Variants in PXDNL observed in about 807,000 individuals in gnomAD.
PXDNL encodes the protein probable oxidoreductase PXDNL.
Under a neutral mutation model 150.8 loss-of-function variants are expected in PXDNL, and 145 were observed. The ratio of observed to expected loss-of-function variants is 0.96; its 90% confidence interval spans 0.84 to 1.10. The LOEUF (loss-of-function observed/expected upper bound fraction) is 1.10. Ranked by LOEUF, PXDNL falls within the 50% of genes least tolerant of loss-of-function variation. The pLI is 0.00. For synonymous variants in PXDNL, 757 were observed against 725.7 expected (o/e 1.04, Z -0.69); for missense variants, 2,087 against 1,873.9 (o/e 1.11, Z -2.10).
intron 2 of PXDNL, among the ~76,000 whole-genome samples, chr8:51,612,135 G>GAGGTAGAGGA (rs1392655564): frequency 6.6e-6 from 1 of 152,118 alleles, no homozygotes; most frequent in South Asian, 2.1e-4. Context: ...GAATTGGAGG[G>GAGGTAGAGGA]AGGTAGAGGA....
intron 1 of PXDNL, among the ~76,000 whole-genome samples, chr8:51,725,881 T>C (rs1305946029): frequency 6.6e-6 from 1 of 152,216 alleles, no homozygotes; most frequent in East Asian, 1.9e-4. Context: ...GGGCCCTAAT[T>C]TTTCAAAAAC....
chr8:51,740,015 A>G (rs187308632), intron 1 of PXDNL, among the ~76,000 whole-genome samples: 1 of 152,340 alleles, frequency 6.6e-6, no homozygotes, highest in Admixed American at 6.5e-5. Flanking sequence ...TGTATTCTTA[A>G]AATTACAAAA....
At chr8:51,515,761 T>C (rs1334078134) in intron 4 of PXDNL, among the ~76,000 whole-genome samples, 1 of 152,206 alleles carries the variant, frequency 6.6e-6, no homozygotes, top group African/African-American at 2.4e-5. Flanking sequence ...TTTGGAAGTT[T>C]CATGGGTGTG....
At chr8:51,386,265 G>C (rs905936914) in intron 17 of PXDNL, among the ~76,000 whole-genome samples, 2 of 151,942 alleles carry the variant, frequency 1.3e-5, no homozygotes, top group African/African-American at 2.4e-5. Flanking sequence ...GCTAATTTTT[G>C]TATTTTTAGT....
At chr8:51,382,920 T>C (rs950676661) in intron 17 of PXDNL, among the ~76,000 whole-genome samples, 6 of 152,158 alleles carry the variant, frequency 3.9e-5, no homozygotes, top group Non-Finnish European at 7.4e-5. Flanking sequence ...TCATCATTGA[T>C]CTTTTTCTCA....
chr8:51,734,341 T>C (rs1469619703), intron 1 of PXDNL, among the ~76,000 whole-genome samples: 4 of 152,180 alleles, frequency 2.6e-5, no homozygotes, highest in Non-Finnish European at 4.4e-5. Context: ...GAAAATACTC[T>C]TTCAACACCC....
chr8:51,581,462 C>A (rs554509930), intron 3 of PXDNL, among the ~76,000 whole-genome samples: 128 of 150,892 alleles, frequency 8.5e-4, no homozygotes, highest in African/African-American at 3.1e-3. Flanking sequence ...CCACTGCACT[C>A]CAGCCTAGAT....
chr8:51,408,922 C>T lies in PXDNL; in HGVS notation c.2702G>A (p.Gly901Glu), dbSNP rs1333000402. 1 of 1,612,064 alleles carries T rather than the reference C, an allele frequency of 6.2e-7. No homozygotes were observed. Among genetic ancestry groups the T allele is most frequent in the Non-Finnish European group, 8.5e-7 (1 of 1,179,390 alleles). ...AGCCTGGGATTCCCGCTCCGAGCTCCCGTAAACGTTGGAGCCATCGATGTA... is the reference window on the plus strand; with the variant it reads ...AGCCTGGGATTCCCGCTCCGAGCTCTCGTAAACGTTGGAGCCATCGATGTA... ...TAYIDGSNVY[G>E]SSERESQALR... Residue 901 changes from glycine to glutamate, a missense_variant, in exon 17 of 23, where the codon GGG (glycine) becomes GAG (glutamate). Gly to Glu is a moderately conservative substitution (Grantham distance 98, BLOSUM62 -2). Coordinates refer to ENST00000356297, the MANE Select transcript of PXDNL (RefSeq NM_144651.5).
At chr8:51,795,130 C>A (rs2129258826) in intron 1 of PXDNL, among the ~76,000 whole-genome samples, 1 of 152,206 alleles carries the variant, frequency 6.6e-6, no homozygotes, top group South Asian at 2.1e-4. Flanking sequence ...TACAGGAGCA[C>A]CCAGATTCAT....
At chr8:51,608,855 A>AAG (rs1277497531) in intron 2 of PXDNL, among the ~76,000 whole-genome samples, 1 of 150,002 alleles carries the variant, frequency 6.7e-6, no homozygotes, top group Non-Finnish European at 1.5e-5. Context: ...AAAAAAAAAA[A>AAG]AAAAGAAAGT....
chr8:51,467,539 G>T (rs932894652), intron 8 of PXDNL, among the ~76,000 whole-genome samples: 2 of 151,996 alleles, frequency 1.3e-5, no homozygotes, highest in African/African-American at 4.8e-5. Context: ...CTTGGGTAGT[G>T]GTTCTGTCAT....
At chr8:51,418,311 A>C (rs1452809267) in intron 14 of PXDNL, among the ~76,000 whole-genome samples, 1 of 152,246 alleles carries the variant, frequency 6.6e-6, no homozygotes, top group East Asian at 1.9e-4. Flanking sequence ...TCTCTTAATT[A>C]GTTTGTAAAC....
At chr8:51,355,833 T>A (rs1393786515) in intron 19 of PXDNL, among the ~76,000 whole-genome samples, 1 of 152,210 alleles carries the variant, frequency 6.6e-6, no homozygotes, top group Non-Finnish European at 1.5e-5. Flanking sequence ...ATACTGAAAA[T>A]TAATTTGATG....
chr8:51,378,427 G>T (rs922280173), intron 17 of PXDNL, among the ~76,000 whole-genome samples: 3 of 152,200 alleles, frequency 2.0e-5, no homozygotes, highest in African/African-American at 7.2e-5. Flanking sequence ...CTCAGGGATT[G>T]TAAACTCACC....
intron 2 of PXDNL, among the ~76,000 whole-genome samples, chr8:51,643,443 A>C (rs1172101861): frequency 6.6e-6 from 1 of 152,240 alleles, no homozygotes; most frequent in Non-Finnish European, 1.5e-5. Context: ...GCAATGGGGA[A>C]ATGATTCCCT....
At chr8:51,727,644 A>G (rs900665966) in intron 1 of PXDNL, among the ~76,000 whole-genome samples, 2 of 152,146 alleles carry the variant, frequency 1.3e-5, no homozygotes, top group African/African-American at 4.8e-5. Context: ...TTTATAACTG[A>G]CTAAAAAAAG....
chr8:51,668,174 C>CTTTTTTTTTTT (rs1447281482), intron 1 of PXDNL, among the ~76,000 whole-genome samples: 49 of 21,726 alleles, frequency 2.3e-3, no homozygotes, highest in Non-Finnish European at 2.5e-3. Context: ...TTCTCGCTCT[C>CTTTTTTTTTTT]TCTTTTTTTT....
intron 13 of PXDNL, among the ~76,000 whole-genome samples, chr8:51,426,360 A>C (rs1176337647): frequency 2.0e-5 from 3 of 152,260 alleles, no homozygotes; most frequent in Non-Finnish European, 4.4e-5. Context: ...TATATGTGTC[A>C]AAACCAATTT....
At chr8:51,600,935 A>G (rs1167381755) in intron 2 of PXDNL, among the ~76,000 whole-genome samples, 2 of 137,744 alleles carry the variant, frequency 1.5e-5, no homozygotes, top group Non-Finnish European at 3.0e-5. Context: ...TATATAATTT[A>G]TATAATAAAT....
Sources: gnomAD v4.1 joint callset for allele counts (sites outside exome capture counted in the v4.1 genomes callset) on GRCh38, gnomAD v4.1.1 for gene constraint, MANE v1.5 for transcripts, NCBI Gene and HGNC (gene_info 2026-07-23, HGNC 2026-07-21) for gene names.